MAST2: variants seen among roughly 807,000 people sequenced by gnomAD.
MAST2 encodes the protein microtubule associated serine/threonine kinase 2, also known as microtubule-associated serine/threonine-protein kinase 2.
In MAST2, 70 loss-of-function variants were observed where a neutral mutation model predicts 147.4. The ratio of observed to expected loss-of-function variants is 0.47; its 90% CI spans 0.39 to 0.58. The LOEUF (loss-of-function observed/expected upper bound fraction) is 0.58. MAST2 is among the 20% of genes least tolerant of loss of function. The pLI, the probability that MAST2 is intolerant of heterozygous loss-of-function variation, is 0.00. For synonymous variants in MAST2, 869 were observed against 896.8 expected, an observed-to-expected ratio of 0.97 and a Z score of 0.55; for missense variants, 2,080 against 2,302.3, an observed-to-expected ratio of 0.90 and a Z score of 1.98.
chr1:45,840,415 T>C (rs1350655894), intron 3 of MAST2, among the ~76,000 whole-genome samples: 1 of 152,224 alleles, frequency 6.6e-6, no homozygotes, highest in Non-Finnish European at 1.5e-5. Flanking sequence ...TGCCTTCTAC[T>C]TTACAAAAGT....
At chr1:45,914,257 G>C (rs1652117432) in intron 4 of MAST2, among the ~76,000 whole-genome samples, 1 of 152,224 alleles carries the variant, frequency 6.6e-6, no homozygotes, top group East Asian at 1.9e-4. Context: ...TTTGACTAGA[G>C]AGGGTATTGT....
rs900515335 is a variant in MAST2 at position 46,031,065 on chromosome 1, C to A, written c.2767C>A (p.Pro923Thr). The A allele has an allele frequency of 6.2e-7, 1 of 1,613,826 alleles. No individual in the cohort carries two copies. Among genetic ancestry groups the A allele is most frequent in the Non-Finnish European group, 8.5e-7 (1 of 1,179,832 alleles). The change falls in exon 23 of 29, where the codon CCA becomes ACA. Residue 923 changes from proline (P) to threonine (T), a missense_variant. This residue lies in a region of MAST2 where 1,278 missense variants were observed against 1,304.2 expected (regional missense o/e 0.98). Transcript: ENST00000361297. This position sits in a 1 kb window ranked among gnomAD's most constrained non-coding sequence, Gnocchi z 4.1. ...SSHTESDSSP[P>T]MTVRRRCSGL... Reference sequence around the variant, plus strand: ...CCACACAGAGAGTGACTCAAGCCCTCCAATGACAGTGCGACGCCGCTGCTC... The same window carrying A: ...CCACACAGAGAGTGACTCAAGCCCTACAATGACAGTGCGACGCCGCTGCTC...
chr1:45,826,201 A>C lies in MAST2; in HGVS notation c.325+1621A>C, dbSNP rs545689717. 3.9e-5 allele frequency among the ~76,000 whole-genome samples: 6 copies of C among 152,280 alleles called. No homozygotes were observed. The East Asian group carries it at 9.6e-4, about 24-fold the overall frequency. ...CCCTTTTATCCTGTGAGGTAATTGC[A>C]TGGCTGCCGGGTACATTGTTGAAAT... On this transcript the variant is annotated intron_variant, in intron 2 of 28. Coordinates refer to ENST00000361297, the MANE Select transcript of MAST2 (RefSeq NM_015112.3).
At chr1:45,913,456 T>G in intron 4 of MAST2, 10 of 285,514 alleles carry the variant, frequency 3.5e-5, no homozygotes, top group Non-Finnish European at 4.7e-5. Context: ...GGCCTCAGGG[T>G]TGGAGGTTGC....
In MAST2 at chr1:45,829,462, A is replaced by G. The variant is rs540161535; in HGVS notation, c.349A>G (p.Ser117Gly). 6.2e-7 allele frequency: 1 copy of G among 1,613,668 alleles called. No homozygotes were observed. Among genetic ancestry groups the G allele is most frequent in the Admixed American group, 1.7e-5 (1 of 59,884 alleles). Residue 117 changes from serine (S) to glycine (G), a missense_variant, in exon 3 of 29, where the codon AGC becomes GGC. Ser to Gly is a moderately conservative substitution (Grantham distance 56, BLOSUM62 0). Coordinates refer to ENST00000361297, the MANE Select transcript of MAST2 (RefSeq NM_015112.3). ...AGGTAAGCAGCTGCTCCCTTTGTCC[A>G]GCAGTGTACATAGCAGTGTGGGACA... is the stretch of plus-strand genomic sequence containing the variant. ...LSGKQLLPLS[S>G]SVHSSVGQVT...
intron 26 of MAST2, 100 bp downstream of exon 26, chr1:46,032,818 C>T (rs1646729702): frequency 3.4e-6 from 5 of 1,481,648 alleles, no homozygotes; most frequent in South Asian, 1.3e-5. Context: ...GCACACACAT[C>T]TACACCGAGT....
chr1:46,026,764 T>A (rs1646431424), intron 16 of MAST2, among the ~76,000 whole-genome samples: 1 of 152,138 alleles, frequency 6.6e-6, no homozygotes, highest in African/African-American at 2.4e-5. Flanking sequence ...ATTTCCAGCT[T>A]GGGACTGGTG....
At chr1:45,839,655 T>C (rs571760116) in intron 3 of MAST2, among the ~76,000 whole-genome samples, 2 of 152,322 alleles carry the variant, frequency 1.3e-5, no homozygotes, top group East Asian at 3.9e-4. Flanking sequence ...ACCCAGGTAG[T>C]ATTTTTCAGA....
chr1:45,925,935 A>G (rs796398873), intron 4 of MAST2, among the ~76,000 whole-genome samples: 46 of 152,344 alleles, frequency 3.0e-4, no homozygotes, highest in African/African-American at 9.9e-4. Context: ...GCAAATGGAC[A>G]GGTGTTCCTT....
intron 1 of MAST2, among the ~76,000 whole-genome samples, chr1:45,808,053 T>C (rs1329876844): frequency 1.3e-5 from 2 of 152,158 alleles, no homozygotes; most frequent in African/African-American, 4.8e-5. Context: ...ACAGTGCTTG[T>C]TACAGTTTTT....
At chr1:45,847,237 G>T in intron 3 of MAST2, 1 of 521,052 alleles carries the variant, frequency 1.9e-6, no homozygotes, top group South Asian at 1.5e-5. Context: ...CCTTTATACT[G>T]CTGTCCCTCC....
intron 1 of MAST2, among the ~76,000 whole-genome samples, chr1:45,816,881 G>A (rs1644471804): frequency 6.6e-6 from 1 of 152,026 alleles, no homozygotes; most frequent in Admixed American, 6.6e-5. Context: ...GTTTCACCGT[G>A]TCAACCAGGA....
Position 46,033,895 on chromosome 1 carries a change from GC to G in MAST2, c.3634del (p.Arg1212GlufsTer71). The stretch of plus-strand genomic sequence containing the variant: ...GAAGGGCAGCTACAAGGCCAAGATG[GC>G]CCGAAGGAGCAAGAGGAGCCGCGGC... ...ARKGSYKAKM[A>X]RRSKRSRGKD... On this transcript the variant is annotated frameshift_variant, in exon 27 of 29. Coordinates refer to ENST00000361297, the MANE Select transcript of MAST2 (RefSeq NM_015112.3). LOFTEE classifies it high-confidence loss of function. The G allele has an allele frequency of 6.2e-7, 1 of 1,614,188 alleles. No individual in the cohort carries two copies. Among genetic ancestry groups the G allele is most frequent in the Non-Finnish European group, 8.5e-7 (1 of 1,180,034 alleles).
intron 1 of MAST2, among the ~76,000 whole-genome samples, chr1:45,809,680 C>T (rs949460548): frequency 5.9e-5 from 9 of 152,088 alleles, no homozygotes; most frequent in African/African-American, 2.2e-4. Context: ...CAAAACCACA[C>T]ACCCAAAAAG....
chr1:45,855,137 A>G lies in MAST2; in HGVS notation c.468+25556A>G, dbSNP rs866841238. Among the ~76,000 whole-genome samples, 5 of 152,286 alleles carry G rather than the reference A, an allele frequency of 3.3e-5. No homozygotes were observed. In the Middle Eastern group the frequency reaches 0.014, roughly 414 times the overall value. ...GGTGGAAAGTTCCAATTTTCTAATC[A>G]TGGCTTGGTCTTTCTGGTGCACAGC... On this transcript the variant is annotated intron_variant, in intron 3 of 28. Transcript: ENST00000361297.
intron 4 of MAST2, among the ~76,000 whole-genome samples, chr1:45,921,981 A>G (rs1653574444): frequency 6.6e-6 from 1 of 152,186 alleles, no homozygotes; most frequent in African/African-American, 2.4e-5. Context: ...GAGTGATATA[A>G]TAGCTTAGAG....
intron 4 of MAST2, among the ~76,000 whole-genome samples, chr1:45,939,738 C>CTAGGCTTTGTGCCCTG (rs1656893107): frequency 6.6e-6 from 1 of 152,130 alleles, no homozygotes; most frequent in Non-Finnish European, 1.5e-5. Context: ...AACGGAGTTT[C>CTAGGCTTTGTGCCCTG]ACCATGTTGG....
chr1:45,805,754 T>G (rs1164931765), intron 1 of MAST2, among the ~76,000 whole-genome samples: 1 of 152,232 alleles, frequency 6.6e-6, no homozygotes, highest in East Asian at 1.9e-4. Flanking sequence ...ACTTATGTCC[T>G]TGATTTCATC....
intron 3 of MAST2, among the ~76,000 whole-genome samples, chr1:45,876,085 T>C (rs1263979001): frequency 2.0e-5 from 3 of 152,174 alleles, no homozygotes; most frequent in Non-Finnish European, 4.4e-5. Context: ...GAGTGAATGA[T>C]ACTATCAGGT....
Sources: gnomAD v4.1 joint callset for allele counts (sites outside exome capture counted in the v4.1 genomes callset) on GRCh38, gnomAD v4.1.1 for gene constraint, gnomAD v4.1.1 regional missense constraint, Gnocchi (gnomAD v3.1) non-coding constraint, MANE v1.5 for transcripts, NCBI Gene and HGNC (gene_info 2026-07-23, HGNC 2026-07-21) for gene names.